The following FBLN2 variants were observed in gnomAD, a reference collection of about 807,000 sequenced individuals.
FBLN2 encodes fibulin-2.
In FBLN2, 81 loss-of-function variants were observed where a neutral mutation model predicts 123.7. The observed-to-expected ratio is 0.65, with a 90% CI of 0.55 to 0.79. FBLN2 has a LOEUF of 0.79. FBLN2 is among the 30% of genes least tolerant of loss of function. The pLI is 0.00. For synonymous variants in FBLN2, 699 were observed against 701.4 expected, an observed-to-expected ratio of 1.00 and a Z score of 0.05; for missense variants, 1,603 against 1,681.3, an observed-to-expected ratio of 0.95 and a Z score of 0.81.
rs184053835 is a variant in FBLN2 at position 13,551,210 on chromosome 3, A to G, written c.-42+2002A>G. ...ATAGGCCCAGGCTGGTCCTCCATGC[A>G]TGGCTGGGGAAGCCCTGGGCGGGCC... is the stretch of plus-strand genomic sequence containing the variant. On this transcript the variant is annotated intron_variant, in intron 1 of 17. Transcript: ENST00000404922. Among the ~76,000 whole-genome samples, 396 of 152,286 alleles carry G rather than the reference A, an allele frequency of 2.6e-3. 6 individuals are homozygous for G. Among genetic ancestry groups the G allele is most frequent in the African/African-American group, 8.5e-3 (355 of 41,566 alleles).
intron 1 of FBLN2, among the ~76,000 whole-genome samples, chr3:13,567,420 C>T (rs150850401): frequency 0.016 from 2,421 of 152,288 alleles, 78 homozygotes; most frequent in African/African-American, 0.055. Flanking sequence ...TGCAGTGGCA[C>T]GATCTCGGCT....
In FBLN2 at chr3:13,630,828, T is replaced by C. The variant is rs769223886; in HGVS notation, c.3085+13T>C. ...CACACCTGCACAGGTACCTCTCCCC[T>C]GTCCAAGGGCCCCCTTCCAGAGAGT... On this transcript the variant is annotated intron_variant, in intron 15 of 17. Transcript: ENST00000404922. The C allele has an allele frequency of 6.4e-7, 1 of 1,569,288 alleles. No individual in the cohort carries two copies. Among genetic ancestry groups the C allele is most frequent in the Non-Finnish European group, 8.7e-7 (1 of 1,152,008 alleles).
intron 2 of FBLN2, among the ~76,000 whole-genome samples, chr3:13,577,187 C>T (rs1704175407): frequency 6.7e-6 from 1 of 148,824 alleles, no homozygotes; most frequent in African/African-American, 2.5e-5. Flanking sequence ...TGCGCCACCG[C>T]ACTCCAGCCT....
At chr3:13,630,113 G>A (rs1012077223) in intron 14 of FBLN2, among the ~76,000 whole-genome samples, 168 bp downstream of exon 14, 1 of 152,114 alleles carries the variant, frequency 6.6e-6, no homozygotes, top group Non-Finnish European at 1.5e-5. Context: ...ACCCTCTCTG[G>A]CCTCCACTCT....
At chr3:13,567,453 G>A (rs986790409) in intron 1 of FBLN2, among the ~76,000 whole-genome samples, 4 of 152,220 alleles carry the variant, frequency 2.6e-5, no homozygotes, top group African/African-American at 9.6e-5. Context: ...CGCCTCCGGG[G>A]TTCAAGCAGT....
At chr3:13,611,419 A>G (rs1449857161) in intron 4 of FBLN2, among the ~76,000 whole-genome samples, 5 of 151,936 alleles carry the variant, frequency 3.3e-5, no homozygotes, top group Non-Finnish European at 4.4e-5. Context: ...CCCATTAAAC[A>G]CTAACTCCCA....
intron 5 of FBLN2, among the ~76,000 whole-genome samples, chr3:13,615,188 T>C (rs1705555891): frequency 1.3e-5 from 2 of 152,228 alleles, no homozygotes; most frequent in South Asian, 4.1e-4. Flanking sequence ...AGGAGCCTGA[T>C]GAGGGTGCCC....
intron 4 of FBLN2, among the ~76,000 whole-genome samples, chr3:13,612,291 TTTCCTTTCTTTC>T (rs1705418079): frequency 1.3e-5 from 1 of 78,944 alleles, no homozygotes; most frequent in Non-Finnish European, 2.4e-5. Context: ...TTTCTTTTAT[TTTCCTTTCTTTC>T]TTTCTTTCTT....
At chr3:13,582,504 G>C (rs1704365190) in intron 2 of FBLN2, among the ~76,000 whole-genome samples, 1 of 152,198 alleles carries the variant, frequency 6.6e-6, no homozygotes, top group Admixed American at 6.5e-5. Flanking sequence ...GTGTGGGCTG[G>C]GGCTCTGGTG....
chr3:13,626,707 T>A, intron 10 of FBLN2, 128 bp downstream of exon 10: 3 of 921,154 alleles, frequency 3.3e-6, no homozygotes, highest in South Asian at 2.5e-5. Flanking sequence ...CTCCATCCCC[T>A]CCTTTCTAGC....
At chr3:13,633,540 T>C (rs1706335764) in intron 16 of FBLN2, among the ~76,000 whole-genome samples, 1 of 152,262 alleles carries the variant, frequency 6.6e-6, no homozygotes, top group Non-Finnish European at 1.5e-5. Context: ...GGTCACTCCA[T>C]GTAGCCACTT....
At chr3:13,585,588 G>A (rs1250147417) in intron 2 of FBLN2, among the ~76,000 whole-genome samples, 1 of 152,218 alleles carries the variant, frequency 6.6e-6, no homozygotes, top group Non-Finnish European at 1.5e-5. Flanking sequence ...TGTTTGTGGT[G>A]ATGCTGGTAT....
rs763767425 is a variant in FBLN2, at chr3:13,629,953, G to C, written c.2968+8G>C. The C allele has an allele frequency of 1.2e-6, 2 of 1,610,216 alleles. No individual in the cohort carries two copies. Among genetic ancestry groups the C allele is most frequent in the Non-Finnish European group, 1.7e-6 (2 of 1,178,964 alleles). On this transcript the variant is annotated splice_region_variant and intron_variant, in intron 14 of 17. Coordinates refer to ENST00000404922, the MANE Select transcript of FBLN2 (RefSeq NM_001004019.2). ...ACGGCAAGCGCTGTGAAGGTAGGCTGGCCCTCATCTCTGACCCTATGCCGC... is the reference window on the plus strand; with the variant it reads ...ACGGCAAGCGCTGTGAAGGTAGGCTCGCCCTCATCTCTGACCCTATGCCGC...
At chr3:13,581,259 T>C (rs1704317771) in intron 2 of FBLN2, among the ~76,000 whole-genome samples, 2 of 151,868 alleles carry the variant, frequency 1.3e-5, no homozygotes, top group South Asian at 4.2e-4. Flanking sequence ...TGGCTTTCAC[T>C]GGGGTCCAGG....
intron 1 of FBLN2, among the ~76,000 whole-genome samples, chr3:13,555,611 T>C (rs1405892854): frequency 5.3e-5 from 8 of 151,934 alleles, no homozygotes; most frequent in African/African-American, 1.4e-4. Context: ...CCCGCCACCA[T>C]GCCTGGCTAA....
intron 10 of FBLN2, 57 bp downstream of exon 10, chr3:13,626,636 C>T (rs983728358): frequency 4.6e-5 from 68 of 1,486,036 alleles, no homozygotes; most frequent in Admixed American, 1.2e-4. Flanking sequence ...AGTTTTGCCC[C>T]GCCCCTCCCT....
At position 13,629,883 on chromosome 3, in the gene FBLN2, G is replaced by T. The variant is rs375504232; in HGVS notation, c.2906G>T (p.Gly969Val). The part of the protein sequence containing the change: ...LCQHTCENTL[G>V]SYRCSCASGF... Reference sequence around the variant, plus strand: ...CAGCACACGTGTGAGAACACACTCGGCTCCTACCGCTGTTCCTGCGCCTCC... The same window carrying T: ...CAGCACACGTGTGAGAACACACTCGTCTCCTACCGCTGTTCCTGCGCCTCC... Residue 969 changes from glycine (G) to valine (V), a missense_variant, in exon 14 of 18, where the codon GGC becomes GTC. Coordinates refer to ENST00000404922, the MANE Select transcript of FBLN2 (RefSeq NM_001004019.2). 1.2e-6 allele frequency: 2 copies of T among 1,601,560 alleles called. No homozygotes were observed. Among genetic ancestry groups the T allele is most frequent in the African/African-American group, 2.7e-5 (2 of 74,654 alleles).
At chr3:13,575,610 T>G (rs1441496526) in intron 2 of FBLN2, among the ~76,000 whole-genome samples, 4 of 152,090 alleles carry the variant, frequency 2.6e-5, no homozygotes, top group Admixed American at 6.5e-5. Context: ...AGGGGAAAAC[T>G]GGGGCTCCTG....
chr3:13,613,581 T>G (rs1389134217), intron 4 of FBLN2, among the ~76,000 whole-genome samples: 1 of 152,134 alleles, frequency 6.6e-6, no homozygotes, highest in African/African-American at 2.4e-5. Flanking sequence ...GCAAAAACGA[T>G]GTACTTGATT....
Sources: gnomAD v4.1 joint callset for allele counts (sites outside exome capture counted in the v4.1 genomes callset) on GRCh38, gnomAD v4.1.1 for gene constraint, MANE v1.5 for transcripts, NCBI Gene and HGNC (gene_info 2026-07-23, HGNC 2026-07-21) for gene names.